The following DIPK1A variants were observed in gnomAD, a reference collection of about 807,000 sequenced individuals.
The protein encoded by DIPK1A is family with sequence similarity 69 member A.
A neutral mutation model predicts 40.8 loss-of-function variants in DIPK1A; 27 were observed. That is an observed-to-expected ratio of 0.66 (90% CI 0.49 to 0.91). The LOEUF is 0.91. Ranked by LOEUF, DIPK1A falls within the 40% of genes least tolerant of loss-of-function variation. The pLI is 0.00. For synonymous variants in DIPK1A, 166 were observed against 171.3 expected (o/e 0.97, Z 0.24); for missense variants, 412 against 505.7 (o/e 0.81, Z 1.78).
intron 1 of DIPK1A, among the ~76,000 whole-genome samples, chr1:92,955,453 C>T (rs1295257985): frequency 6.6e-6 from 1 of 152,010 alleles, no homozygotes; most frequent in African/African-American, 2.4e-5. Context: ...AATCCCAGCA[C>T]TTTGGGAGGC....
chr1:92,886,562 A>G (rs1373056052), intron 1 of DIPK1A, among the ~76,000 whole-genome samples: 2 of 151,986 alleles, frequency 1.3e-5, no homozygotes, highest in Non-Finnish European at 2.9e-5. Flanking sequence ...TTTACAGCAC[A>G]GGTGTGCCAT....
In DIPK1A at chr1:92,845,453, G is replaced by C. The variant is rs1443547915; in HGVS notation, c.475-1258C>G. On this transcript the variant is annotated intron_variant, in intron 4 of 4. Coordinates refer to ENST00000370310, the MANE Select transcript of DIPK1A (RefSeq NM_001006605.5). ...GGAAGCCAAGGTGGGCAGATAGCTT[G>C]AGCTCAGGAGTTCTAGACCCGCCTG... is the stretch of plus-strand genomic sequence containing the variant. 3 of 313,044 alleles carry C rather than the reference G, an allele frequency of 9.6e-6. No homozygotes were observed. In the East Asian group the frequency reaches 3.5e-4, roughly 37 times the overall value. 19.4% of individuals were successfully genotyped at this position (313,044 alleles called of 1,614,324 possible). A position where few individuals can be genotyped will look rare whatever the true frequency, so the allele number is the denominator to read the frequency against.
chr1:92,907,572 T>C (rs1342163488), intron 1 of DIPK1A, among the ~76,000 whole-genome samples: 1 of 152,012 alleles, frequency 6.6e-6, no homozygotes, highest in Admixed American at 6.6e-5. Context: ...CCTGAGTAGC[T>C]AAGACTACAG....
chr1:92,933,655 C>A (rs1161683318), intron 1 of DIPK1A: 1 of 152,140 alleles, frequency 6.6e-6, no homozygotes, highest in Non-Finnish European at 1.5e-5. Context: ...AAAAAAATCC[C>A]GGATGTGTTG....
At chr1:92,906,493 T>C (rs1649628442) in intron 1 of DIPK1A, among the ~76,000 whole-genome samples, 1 of 152,124 alleles carries the variant, frequency 6.6e-6, no homozygotes, top group Non-Finnish European at 1.5e-5. Context: ...CTTCTTTGAG[T>C]TTTAGTGTCT....
chr1:92,885,417 G>A (rs1648552493), intron 1 of DIPK1A, among the ~76,000 whole-genome samples: 1 of 151,964 alleles, frequency 6.6e-6, no homozygotes, highest in Admixed American at 6.6e-5. Flanking sequence ...CTCCCAGGCT[G>A]GAGTCTCAGT....
chr1:92,900,311 C>CTT (rs35224340), intron 1 of DIPK1A, among the ~76,000 whole-genome samples: 5 of 151,620 alleles, frequency 3.3e-5, no homozygotes, highest in South Asian at 2.1e-4. Flanking sequence ...TTCATTCTTA[C>CTT]TTTTTTTTCC....
chr1:92,893,378 C>T (rs1648991525), intron 1 of DIPK1A, among the ~76,000 whole-genome samples: 1 of 151,716 alleles, frequency 6.6e-6, no homozygotes. Context: ...ATTTTCAACC[C>T]AGAATTTCAT....
At chr1:92,919,044 G>A (rs1026844829) in intron 1 of DIPK1A, among the ~76,000 whole-genome samples, 1 of 152,164 alleles carries the variant, frequency 6.6e-6, no homozygotes, top group Non-Finnish European at 1.5e-5. Context: ...TGCAGCCTGG[G>A]AGTTGGGAAC....
chr1:92,922,333 C>CTTTTTTTTTTT, intron 1 of DIPK1A, among the ~76,000 whole-genome samples: 1 of 144,708 alleles, frequency 6.9e-6, no homozygotes, highest in Non-Finnish European at 1.5e-5. Context: ...TTTTTCTTTT[C>CTTTTTTTTTTT]TTTTTTTTTT....
At chr1:92,869,249 C>A (rs1253260229) in intron 2 of DIPK1A, among the ~76,000 whole-genome samples, 2 of 151,896 alleles carry the variant, frequency 1.3e-5, no homozygotes, top group Non-Finnish European at 2.9e-5. Flanking sequence ...GCAGCCTCGA[C>A]CCCTTTTGCT....
At chr1:92,951,847 C>G (rs1328771722) in intron 1 of DIPK1A, among the ~76,000 whole-genome samples, 1 of 151,948 alleles carries the variant, frequency 6.6e-6, no homozygotes, top group Non-Finnish European at 1.5e-5. Context: ...CCTATACCTA[C>G]CTATATTTAT....
intron 4 of DIPK1A, among the ~76,000 whole-genome samples, chr1:92,844,534 G>C (rs1032225633): frequency 6.6e-6 from 1 of 152,142 alleles, no homozygotes; most frequent in Admixed American, 6.5e-5. Context: ...CTCATATGTG[G>C]ACTTGAAAAA....
At chr1:92,855,472 G>A (rs1468565212) in intron 2 of DIPK1A, among the ~76,000 whole-genome samples, 1 of 152,066 alleles carries the variant, frequency 6.6e-6, no homozygotes, top group African/African-American at 2.4e-5. Context: ...ATCAGGGCAG[G>A]AGGACTGCTT....
intron 1 of DIPK1A, among the ~76,000 whole-genome samples, chr1:92,913,450 G>A (rs1649917232): frequency 6.6e-6 from 1 of 152,074 alleles, no homozygotes. Flanking sequence ...CGAGAAGACA[G>A]ATTCTCAGTC....
chr1:92,833,796 T>TA, intron 4 of DIPK1A: 1 of 719,804 alleles, frequency 1.4e-6, no homozygotes, highest in Non-Finnish European at 2.4e-6. Context: ...TTCCTTTTAG[T>TA]AGGTCTAGAA....
In DIPK1A at chr1:92,918,993, G is replaced by A. The variant is rs114657626; in HGVS notation, c.54+42383C>T. Reference sequence around the variant, plus strand: ...GCTGGCCCACCACTCTCTTCCTGCCGTGCAGCCTGGTTCCTAACAAGCCAT... The same window carrying A: ...GCTGGCCCACCACTCTCTTCCTGCCATGCAGCCTGGTTCCTAACAAGCCAT... On this transcript the variant is annotated intron_variant, in intron 1 of 4. Transcript: ENST00000370310. Among the ~76,000 whole-genome samples, 883 of 152,246 alleles carry A rather than the reference G, an allele frequency of 5.8e-3. 11 individuals are homozygous for A. Among genetic ancestry groups the A allele is most frequent in the Middle Eastern group, 0.024 (7 of 294 alleles).
intron 1 of DIPK1A, among the ~76,000 whole-genome samples, chr1:92,929,300 A>G (rs2100868637): frequency 6.6e-6 from 1 of 152,348 alleles, no homozygotes; most frequent in Non-Finnish European, 1.5e-5. Flanking sequence ...TAATTCGGTG[A>G]GACTCAATTT....
chr1:92,853,968 C>T (rs935613427), intron 2 of DIPK1A, among the ~76,000 whole-genome samples: 1 of 152,180 alleles, frequency 6.6e-6, no homozygotes, highest in African/African-American at 2.4e-5. Context: ...CTCACCACAG[C>T]CTCGATCTCC....
Sources: allele counts gnomAD v4.1 joint callset (sites outside exome capture counted in the v4.1 genomes callset), GRCh38; gene constraint gnomAD v4.1.1; transcripts MANE v1.5; gene names NCBI Gene and HGNC (gene_info 2026-07-23, HGNC 2026-07-21).